ARHGAP15: variants seen among roughly 807,000 people sequenced by gnomAD.
ARHGAP15 encodes rho GTPase-activating protein 15.
A neutral mutation model predicts 63.7 loss-of-function variants in ARHGAP15; 51 were observed. The ratio of observed to expected loss-of-function variants is 0.80; its 90% CI spans 0.64 to 1.01. The LOEUF (loss-of-function observed/expected upper bound fraction) is 1.01, where lower values mean the gene tolerates loss of function less well. Among genes scored for constraint, ARHGAP15 ranks in the 50% least tolerant of loss-of-function variants. The pLI, the probability that ARHGAP15 is intolerant of heterozygous loss-of-function variation, is 0.00. For synonymous variants in ARHGAP15, 191 were observed against 193.8 expected (o/e 0.99, Z 0.12); for missense variants, 560 against 564.6 (o/e 0.99, Z 0.08).
chr2:143,350,560 A>T, intron 6 of ARHGAP15, among the ~76,000 whole-genome samples: 1 of 151,372 alleles, frequency 6.6e-6, no homozygotes. Flanking sequence ...TGGCTCACGC[A>T]TGTAATCCCA....
intron 12 of ARHGAP15, chr2:143,648,629 T>G (rs1681010700): frequency 6.6e-6 from 1 of 151,986 alleles, no homozygotes; most frequent in Non-Finnish European, 1.5e-5. Flanking sequence ...CTACTTCAAT[T>G]TACCTGAAAA....
At chr2:143,606,035 C>CAAAAAAAA (rs869266541) in intron 11 of ARHGAP15, among the ~76,000 whole-genome samples, 277 of 22,870 alleles carry the variant, frequency 0.012, 66 homozygotes, top group Non-Finnish European at 0.014. Context: ...GACTCTGTCT[C>CAAAAAAAA]AAAAAAAAAA....
At chr2:143,471,156 T>A (rs976989347) in intron 8 of ARHGAP15, among the ~76,000 whole-genome samples, 1 of 145,846 alleles carries the variant, frequency 6.9e-6, no homozygotes, top group Non-Finnish European at 1.5e-5. Flanking sequence ...TGTGTATAGA[T>A]ACAGAAAGAG....
At chr2:143,458,307 C>T (rs993292125) in intron 8 of ARHGAP15, among the ~76,000 whole-genome samples, 1 of 152,132 alleles carries the variant, frequency 6.6e-6, no homozygotes, top group Non-Finnish European at 1.5e-5. Context: ...AAAAATAAAG[C>T]AACAGACACA....
chr2:143,444,088 A>G (rs946158018), intron 8 of ARHGAP15, among the ~76,000 whole-genome samples: 2 of 152,178 alleles, frequency 1.3e-5, no homozygotes, highest in Admixed American at 1.3e-4. Context: ...TCAGTGCTCA[A>G]GCACTAGATC....
intron 13 of ARHGAP15, among the ~76,000 whole-genome samples, chr2:143,761,820 G>C (rs1686769153): frequency 6.6e-6 from 1 of 151,592 alleles, no homozygotes. Context: ...TTCCCATTTG[G>C]GCCTGACAAA....
chr2:143,516,937 T>G (rs184648969), intron 9 of ARHGAP15, among the ~76,000 whole-genome samples: 2 of 152,152 alleles, frequency 1.3e-5, no homozygotes, highest in Admixed American at 1.3e-4. Flanking sequence ...GGAGTTTTGT[T>G]TTTGTTTGTT....
chr2:143,748,192 T>C (rs1686240220), intron 13 of ARHGAP15, among the ~76,000 whole-genome samples: 1 of 152,238 alleles, frequency 6.6e-6, no homozygotes, highest in South Asian at 2.1e-4. Context: ...TGAATCAGAA[T>C]ATAATTCCAA....
At chr2:143,493,834 G>A (rs539345269) in intron 9 of ARHGAP15, among the ~76,000 whole-genome samples, 39 of 152,238 alleles carry the variant, frequency 2.6e-4, no homozygotes, top group African/African-American at 9.1e-4. Flanking sequence ...TGGAAAGCAT[G>A]AGTCCTCAAC....
intron 5 of ARHGAP15, among the ~76,000 whole-genome samples, chr2:143,248,194 A>T (rs1694118649): frequency 2.6e-5 from 4 of 152,188 alleles, no homozygotes; most frequent in African/African-American, 9.7e-5. Context: ...ACTGGAGTAC[A>T]GCTCTTTTAT....
chr2:143,239,691 G>GT (rs1019529823), intron 5 of ARHGAP15, among the ~76,000 whole-genome samples: 15 of 151,590 alleles, frequency 9.9e-5, no homozygotes, highest in East Asian at 5.8e-4. Context: ...CTCTACAAAA[G>GT]TTTTTTTTTA....
chr2:143,333,265 A>T (rs1027459413), intron 6 of ARHGAP15, among the ~76,000 whole-genome samples: 1 of 152,208 alleles, frequency 6.6e-6, no homozygotes, highest in Non-Finnish European at 1.5e-5. Flanking sequence ...TACTTTCCTC[A>T]GTTAGACTGT....
chr2:143,589,357 T>G (rs1245487567), intron 11 of ARHGAP15, among the ~76,000 whole-genome samples: 1 of 152,246 alleles, frequency 6.6e-6, no homozygotes, highest in Non-Finnish European at 1.5e-5. Context: ...ACCTGCTTTT[T>G]GTCTGTCTCA....
At chr2:143,280,335 T>C (rs1255594458) in intron 6 of ARHGAP15, among the ~76,000 whole-genome samples, 1 of 152,028 alleles carries the variant, frequency 6.6e-6, no homozygotes, top group African/African-American at 2.4e-5. Flanking sequence ...GAGCACAGTG[T>C]CATTAGGGGA....
intron 10 of ARHGAP15, among the ~76,000 whole-genome samples, chr2:143,538,061 G>A (rs1266341321): frequency 6.6e-6 from 1 of 152,144 alleles, no homozygotes; most frequent in Non-Finnish European, 1.5e-5. Flanking sequence ...TCCTTGAGCA[G>A]TAGTTTGTAG....
intron 6 of ARHGAP15, among the ~76,000 whole-genome samples, chr2:143,316,720 A>C (rs1012331392): frequency 6.6e-6 from 1 of 151,768 alleles, no homozygotes; most frequent in African/African-American, 2.4e-5. Flanking sequence ...TTCTGTCTCC[A>C]AATATGTAAT....
At chr2:143,592,604 A>C (rs1477979535) in intron 11 of ARHGAP15, among the ~76,000 whole-genome samples, 1 of 152,176 alleles carries the variant, frequency 6.6e-6, no homozygotes, top group Non-Finnish European at 1.5e-5. Flanking sequence ...GGTCTCCTTA[A>C]GTTGTTCCTC....
Position 143,326,528 on chromosome 2 carries a change from G to A in ARHGAP15, c.474+75928G>A, listed in dbSNP as rs1684256786. On this transcript the variant is annotated intron_variant, in intron 6 of 13. Transcript: ENST00000295095. Reference sequence around the variant, plus strand: ...TCACTGAGTCTTTTGTATCTTTTAGGAACCAGCCTAAATCTCTTCTTTAAT... The same window carrying A: ...TCACTGAGTCTTTTGTATCTTTTAGAAACCAGCCTAAATCTCTTCTTTAAT... Among the ~76,000 whole-genome samples, 2 of 152,064 alleles carry A rather than the reference G, an allele frequency of 1.3e-5. 1 individual carries two copies. The highest frequency in any genetic ancestry group is 4.1e-4 in the South Asian group (2 of 4,824).
At chr2:143,346,234 T>A (rs78940311) in intron 6 of ARHGAP15, among the ~76,000 whole-genome samples, 8,357 of 78,878 alleles carry the variant, frequency 0.11, 505 homozygotes, top group Admixed American at 0.3. Context: ...ACACACTCTC[T>A]CTCACACACA....
Sources: gnomAD v4.1 joint callset for allele counts (sites outside exome capture counted in the v4.1 genomes callset) on GRCh38, gnomAD v4.1.1 for gene constraint, MANE v1.5 for transcripts, NCBI Gene and HGNC (gene_info 2026-07-23, HGNC 2026-07-21) for gene names.